Variants in CNNM2 observed in about 807,000 individuals in gnomAD.
CNNM2 encodes the protein cyclin and CBS domain divalent metal cation transport mediator 2.
In CNNM2, 12 loss-of-function variants were observed where a neutral mutation model predicts 66.9. The observed-to-expected ratio is 0.18, with a 90% CI of 0.11 to 0.29. The LOEUF (loss-of-function observed/expected upper bound fraction) is 0.29. Ranked by LOEUF, CNNM2 falls within the 10% of genes least tolerant of loss-of-function variation. The pLI, the probability that CNNM2 is intolerant of heterozygous loss-of-function variation, is 1.00. For synonymous variants in CNNM2, 557 were observed against 501.8 expected (o/e 1.11, Z -1.47); for missense variants, 705 against 1,167.7 (o/e 0.60, Z 5.77).
intron 4 of CNNM2, among the ~76,000 whole-genome samples, chr10:103,058,329 T>C (rs1014479711): frequency 6.6e-6 from 1 of 152,210 alleles, no homozygotes; most frequent in African/African-American, 2.4e-5. Flanking sequence ...TTCATGTTTC[T>C]CATAAGAGTG....
chr10:102,935,158 CAA>C (rs71753183), intron 1 of CNNM2, among the ~76,000 whole-genome samples: 7,075 of 81,116 alleles, frequency 0.087, 115 homozygotes, highest in East Asian at 0.23. Flanking sequence ...GACTCCATCT[CAA>C]AAAAAAAAAA....
intron 1 of CNNM2, among the ~76,000 whole-genome samples, chr10:102,934,331 A>G (rs1365595326): frequency 6.8e-6 from 1 of 148,034 alleles, no homozygotes; most frequent in Non-Finnish European, 1.5e-5. Context: ...CTGGAGTGCA[A>G]GTGCTGTGGT....
intron 1 of CNNM2, among the ~76,000 whole-genome samples, chr10:102,964,744 A>T (rs2063434529): frequency 6.6e-6 from 1 of 151,950 alleles, no homozygotes; most frequent in South Asian, 2.1e-4. Context: ...CATCTTTAAA[A>T]CACCTCCTAG....
At chr10:103,052,747 C>T (rs2065237286) in intron 2 of CNNM2, among the ~76,000 whole-genome samples, 1 of 152,192 alleles carries the variant, frequency 6.6e-6, no homozygotes, top group Non-Finnish European at 1.5e-5. Flanking sequence ...CTCCTGACCT[C>T]AAGTGATCCA....
At chr10:102,947,356 A>G (rs1023407630) in intron 1 of CNNM2, among the ~76,000 whole-genome samples, 2 of 152,192 alleles carry the variant, frequency 1.3e-5, no homozygotes, top group African/African-American at 4.8e-5. Context: ...TTTTAGAAAG[A>G]TGTATGCGTC....
chr10:103,000,003 A>C (rs1334208050), intron 1 of CNNM2, among the ~76,000 whole-genome samples: 1 of 152,174 alleles, frequency 6.6e-6, no homozygotes, highest in Non-Finnish European at 1.5e-5. Flanking sequence ...TGGGAGGTCA[A>C]GGCAGATGGA....
intron 1 of CNNM2, among the ~76,000 whole-genome samples, chr10:103,031,186 A>G (rs1190921727): frequency 1.1e-4 from 16 of 152,210 alleles, no homozygotes; most frequent in Non-Finnish European, 7.3e-5. Context: ...GAAGACCCCT[A>G]GCAAGTTTTA....
At chr10:103,051,765 C>T (rs1293472278) in intron 2 of CNNM2, among the ~76,000 whole-genome samples, 2 of 151,984 alleles carry the variant, frequency 1.3e-5, no homozygotes, top group Admixed American at 1.3e-4. Context: ...CTGAGAAAGT[C>T]TTCCCTGTAC....
rs12266815 is a variant in CNNM2, at chr10:103,035,011, A to G, written c.1622-14696A>G. Reference sequence around the variant, plus strand: ...AAAAATCTCCTACTATTGGCTGGGCATGGTGGTTCATGTCTATAATCCCAG... The same window carrying G: ...AAAAATCTCCTACTATTGGCTGGGCGTGGTGGTTCATGTCTATAATCCCAG... On this transcript the variant is annotated intron_variant, in intron 1 of 7. Transcript: ENST00000369878. Among the ~76,000 whole-genome samples the G allele has an allele frequency of 0.025, 3,823 of 150,020 alleles. 152 individuals carry two copies. The highest frequency in any genetic ancestry group is 0.083 in the African/African-American group (3,353 of 40,600).
At chr10:102,991,085 C>A (rs1330503965) in intron 1 of CNNM2, among the ~76,000 whole-genome samples, 3 of 152,152 alleles carry the variant, frequency 2.0e-5, no homozygotes, top group Non-Finnish European at 4.4e-5. Flanking sequence ...TTCCCAGGTT[C>A]AAGCAATTCT....
At chr10:103,022,057 G>A (rs188774979) in intron 1 of CNNM2, among the ~76,000 whole-genome samples, 3 of 152,244 alleles carry the variant, frequency 2.0e-5, no homozygotes, top group South Asian at 2.1e-4. Flanking sequence ...GAGTGAAAGC[G>A]TCATAGGAAT....
chr10:103,017,663 T>C (rs1307377497), intron 1 of CNNM2, among the ~76,000 whole-genome samples: 2 of 152,014 alleles, frequency 1.3e-5, no homozygotes, highest in Non-Finnish European at 2.9e-5. Context: ...CAGCAAGAAG[T>C]GCCTAGAGAA....
At chr10:102,920,762 T>C (rs1325320432) in intron 1 of CNNM2, among the ~76,000 whole-genome samples, 4 of 152,182 alleles carry the variant, frequency 2.6e-5, no homozygotes, top group Admixed American at 6.6e-5. Context: ...TTGTTGTTGT[T>C]TTAAATTAAA....
intron 1 of CNNM2, among the ~76,000 whole-genome samples, chr10:103,041,543 G>A (rs1352826243): frequency 1.3e-5 from 2 of 152,094 alleles, no homozygotes; most frequent in African/African-American, 2.4e-5. Flanking sequence ...TCGGGCCTCC[G>A]TGTTAGAAGC....
chr10:103,039,993 C>G (rs1020509963), intron 1 of CNNM2, among the ~76,000 whole-genome samples: 4 of 151,988 alleles, frequency 2.6e-5, no homozygotes, highest in Non-Finnish European at 2.9e-5. Flanking sequence ...ATGGTGAAAC[C>G]CTGTCTCTAC....
At chr10:102,994,126 G>A (rs1422882708) in intron 1 of CNNM2, among the ~76,000 whole-genome samples, 2 of 151,994 alleles carry the variant, frequency 1.3e-5, no homozygotes, top group Non-Finnish European at 1.5e-5. Flanking sequence ...TAGTAGAGAC[G>A]GGGTTTCACC....
intron 1 of CNNM2, among the ~76,000 whole-genome samples, chr10:102,961,749 C>A (rs1162488413): frequency 2.0e-5 from 3 of 151,956 alleles, no homozygotes; most frequent in Admixed American, 1.3e-4. Flanking sequence ...TTAGAACCAG[C>A]TGAAAATTTT....
At chr10:102,974,253 CAA>C (rs1216272761) in intron 1 of CNNM2, among the ~76,000 whole-genome samples, 2 of 152,054 alleles carry the variant, frequency 1.3e-5, no homozygotes, top group Non-Finnish European at 2.9e-5. Flanking sequence ...GGGAAAAGCA[CAA>C]AAAACAACAG....
chr10:103,078,256 C>T lies in CNNM2; in HGVS notation c.*1076C>T, dbSNP rs1262495578. The T allele has an allele frequency of 6.6e-6, 1 of 152,244 alleles. No homozygotes were observed. The highest frequency in any genetic ancestry group is 1.5e-5 in the Non-Finnish European group (1 of 68,048). 9.4% of individuals were successfully genotyped at this position (152,244 alleles called of 1,614,324 possible). ...TGTACTGTGTGCCGAGAAGGCATTT[C>T]TAGACCCGTGTTTTTAAAGGAGGGA... On this transcript the variant is annotated 3_prime_UTR_variant, in exon 8 of 8. Transcript: ENST00000369878.
Sources: allele counts gnomAD v4.1 joint callset (sites outside exome capture counted in the v4.1 genomes callset), GRCh38; gene constraint gnomAD v4.1.1; transcripts MANE v1.5; gene names NCBI Gene and HGNC (gene_info 2026-07-23, HGNC 2026-07-21).